KCNN2: variants seen among roughly 807,000 people sequenced by gnomAD.
The protein encoded by KCNN2 is small conductance calcium-activated potassium channel protein 2.
In KCNN2, 24 loss-of-function variants were observed where a neutral mutation model predicts 55.5. The ratio of observed to expected loss-of-function variants is 0.43; its 90% CI spans 0.31 to 0.61. The LOEUF (loss-of-function observed/expected upper bound fraction) is 0.61. Ranked by LOEUF, KCNN2 falls within the 20% of genes least tolerant of loss-of-function variation. KCNN2 has a pLI of 0.08. For missense variants in KCNN2, 754 were observed against 853.6 expected (o/e 0.88, Z 1.45); for synonymous variants, 431 against 336.1 (o/e 1.28, Z -3.09).
At chr5:114,430,861 T>A (rs1159960032) in intron 3 of KCNN2, among the ~76,000 whole-genome samples, 1 of 152,118 alleles carries the variant, frequency 6.6e-6, no homozygotes, top group East Asian at 1.9e-4. Flanking sequence ...ATTATGTAAT[T>A]TTTCTTTTTT....
chr5:114,068,117 C>T (rs1580480235), intron 1 of KCNN2, among the ~76,000 whole-genome samples: 1 of 152,160 alleles, frequency 6.6e-6, no homozygotes, highest in African/African-American at 2.4e-5. Flanking sequence ...GTGCATTTAA[C>T]CTCCTATAAC....
intron 1 of KCNN2, among the ~76,000 whole-genome samples, chr5:114,205,623 G>A (rs1200123707): frequency 6.6e-6 from 1 of 152,166 alleles, no homozygotes; most frequent in Non-Finnish European, 1.5e-5. Context: ...CTAGTATAAA[G>A]AGCTTTCAGA....
intron 1 of KCNN2, among the ~76,000 whole-genome samples, chr5:114,154,611 A>G (rs1417659974): frequency 6.6e-6 from 1 of 152,170 alleles, no homozygotes; most frequent in East Asian, 1.9e-4. Context: ...GGACTATATA[A>G]ATCAGTATAG....
chr5:114,090,839 C>G (rs544575643), intron 1 of KCNN2, among the ~76,000 whole-genome samples: 47 of 152,034 alleles, frequency 3.1e-4, no homozygotes, highest in Admixed American at 2.4e-3. Context: ...GTTGGAGAAT[C>G]TCTGCCCCCC....
intron 2 of KCNN2, among the ~76,000 whole-genome samples, chr5:114,327,691 T>A (rs1274298659): frequency 2.0e-5 from 3 of 152,194 alleles, no homozygotes; most frequent in Admixed American, 6.5e-5. Context: ...CCATTCTAAG[T>A]GTTTCAGTCT....
intron 3 of KCNN2, among the ~76,000 whole-genome samples, chr5:114,430,166 C>G (rs1368128643): frequency 6.6e-6 from 1 of 152,014 alleles, no homozygotes; most frequent in Non-Finnish European, 1.5e-5. Context: ...CACAAAATAA[C>G]TTGCTGTAAT....
chr5:114,455,802 A>T (rs1451554413), intron 3 of KCNN2, among the ~76,000 whole-genome samples: 1 of 152,224 alleles, frequency 6.6e-6, no homozygotes, highest in Non-Finnish European at 1.5e-5. Context: ...GTCTGGATAG[A>T]AGATAAAACA....
chr5:114,176,135 G>GTTGTTA (rs1753126634), intron 1 of KCNN2, among the ~76,000 whole-genome samples: 1 of 151,984 alleles, frequency 6.6e-6, no homozygotes, highest in Non-Finnish European at 1.5e-5. Flanking sequence ...CTTTGTTGTT[G>GTTGTTA]GGCCTGTCAT....
intron 1 of KCNN2, among the ~76,000 whole-genome samples, chr5:114,091,886 TTGGGGATTA>T (rs1268214277): frequency 3.3e-5 from 5 of 152,162 alleles, no homozygotes; most frequent in Admixed American, 6.5e-5. Flanking sequence ...CATGGGGATT[TTGGGGATTA>T]TGGGGATTAT....
At chr5:114,266,250 G>C (rs571336561) in intron 2 of KCNN2, among the ~76,000 whole-genome samples, 1 of 152,190 alleles carries the variant, frequency 6.6e-6, no homozygotes, top group African/African-American at 2.4e-5. Flanking sequence ...CACATTTCAG[G>C]TGCTCAGCAG....
chr5:114,437,689 A>G (rs1225588850), intron 3 of KCNN2, among the ~76,000 whole-genome samples: 5 of 152,208 alleles, frequency 3.3e-5, no homozygotes, highest in African/African-American at 4.8e-5. Context: ...ATAACATACT[A>G]TAGTTTGAAA....
intron 3 of KCNN2, among the ~76,000 whole-genome samples, chr5:114,460,474 C>A (rs1053200124): frequency 6.6e-6 from 1 of 152,152 alleles, no homozygotes; most frequent in African/African-American, 2.4e-5. Context: ...GAACTCCTGA[C>A]CTCAGGAGAT....
intron 4 of KCNN2, among the ~76,000 whole-genome samples, chr5:114,464,067 A>G (rs1761331928): frequency 6.6e-6 from 1 of 152,160 alleles, no homozygotes; most frequent in Admixed American, 6.5e-5. Flanking sequence ...AAGGTCTGCT[A>G]CTGACATGCC....
intron 2 of KCNN2, among the ~76,000 whole-genome samples, chr5:114,223,345 G>C (rs752075451): frequency 9.9e-5 from 15 of 152,110 alleles, no homozygotes; most frequent in Non-Finnish European, 1.9e-4. Flanking sequence ...TTTTGGAAAT[G>C]CTTATTTTCC....
chr5:114,205,769 A>G (rs1753754790), intron 1 of KCNN2, among the ~76,000 whole-genome samples: 1 of 152,208 alleles, frequency 6.6e-6, no homozygotes. Flanking sequence ...CTTCTTTCTC[A>G]GTATTTTACT....
chr5:114,219,461 G>T (rs535704911), intron 1 of KCNN2, among the ~76,000 whole-genome samples: 2 of 152,268 alleles, frequency 1.3e-5, no homozygotes, highest in South Asian at 4.1e-4. Context: ...AGGGTACGGG[G>T]TGGGTAGGTA....
Position 114,385,515 on chromosome 5 carries a change from G to GCACACA in KCNN2, c.1219-18922_1219-18921insACACAC, listed in dbSNP as rs1491430759. ...TTGTTTATTGACAGCATACACACAT[G>GCACACA]CGCGCACACACACACACACACACAC... On this transcript the variant is annotated intron_variant, in intron 2 of 7. Coordinates refer to ENST00000673685, the MANE Select transcript of KCNN2 (RefSeq NM_021614.4). Among the ~76,000 whole-genome samples the GCACACA allele has an allele frequency of 9.2e-5, 6 of 65,458 alleles. No homozygotes were observed. In the South Asian group the frequency reaches 1.7e-3, roughly 19 times the overall value. The allele number at this position is 65,458 out of a possible 152,430, so 42.9% of individuals were successfully genotyped here.
intron 1 of KCNN2, among the ~76,000 whole-genome samples, chr5:114,114,076 C>T (rs765047525): frequency 2.0e-5 from 3 of 152,002 alleles, no homozygotes; most frequent in Non-Finnish European, 1.5e-5. Context: ...GTCTCTTTTC[C>T]AAACTTACAA....
At chr5:114,172,252 A>G (rs973067975) in intron 1 of KCNN2, among the ~76,000 whole-genome samples, 1 of 152,006 alleles carries the variant, frequency 6.6e-6, no homozygotes, top group African/African-American at 2.4e-5. Context: ...ATTATGGGCA[A>G]AGTATCATGC....
Sources: gnomAD v4.1 joint callset for allele counts (sites outside exome capture counted in the v4.1 genomes callset) on GRCh38, gnomAD v4.1.1 for gene constraint, MANE v1.5 for transcripts, NCBI Gene and HGNC (gene_info 2026-07-23, HGNC 2026-07-21) for gene names.